Variants in TNIK observed in about 807,000 individuals in gnomAD.
TNIK encodes TRAF2 and NCK interacting kinase.
A neutral mutation model predicts 191.3 loss-of-function variants in TNIK; 49 were observed. That is an observed-to-expected ratio of 0.26 (90% confidence interval 0.20 to 0.32). The LOEUF is 0.32. Ranked by LOEUF, TNIK falls within the 10% of genes least tolerant of loss-of-function variation. The probability of loss-of-function intolerance (pLI) is 1.00; values close to 1 mark genes in which losing one functional copy is unlikely to be tolerated. For synonymous variants in TNIK, 594 were observed against 600.9 expected, an observed-to-expected ratio of 0.99 and a Z score of 0.17; for missense variants, 1,155 against 1,702.3, an observed-to-expected ratio of 0.68 and a Z score of 5.66.
intron 2 of TNIK, among the ~76,000 whole-genome samples, chr3:171,300,313 C>A (rs1752745302): frequency 6.6e-6 from 1 of 152,100 alleles, no homozygotes; most frequent in Admixed American, 6.5e-5. Context: ...CCTATGGGGC[C>A]AGGAAGAACA....
chr3:171,438,086 C>T (rs6444989), intron 1 of TNIK, among the ~76,000 whole-genome samples: 93,041 of 152,126 alleles, frequency 0.61, 29,278 homozygotes, highest in Middle Eastern at 0.69. Flanking sequence ...AATAAAAATT[C>T]ACCTGTGTCT....
intron 4 of TNIK, among the ~76,000 whole-genome samples, chr3:171,196,964 C>T (rs1227573962): frequency 6.6e-6 from 1 of 152,122 alleles, no homozygotes; most frequent in Non-Finnish European, 1.5e-5. Context: ...ACCATGTTAG[C>T]CGGGATGGTC....
intron 1 of TNIK, among the ~76,000 whole-genome samples, chr3:171,407,975 A>G (rs1721925444): frequency 6.6e-6 from 1 of 152,220 alleles, no homozygotes; most frequent in Non-Finnish European, 1.5e-5. Context: ...TCTGAGGCAC[A>G]CATTCTGAGA....
At chr3:171,131,194 C>T (rs1350412022) in intron 15 of TNIK, among the ~76,000 whole-genome samples, 9 of 150,932 alleles carry the variant, frequency 6.0e-5, no homozygotes, top group African/African-American at 7.3e-5. Context: ...AAAAATTAGC[C>T]GGGCGTGGTA....
chr3:171,277,219 A>T (rs1056121927), intron 2 of TNIK, among the ~76,000 whole-genome samples: 4 of 152,150 alleles, frequency 2.6e-5, no homozygotes, highest in East Asian at 1.9e-4. Flanking sequence ...TGACCTTGAG[A>T]TCTCAAACTT....
At chr3:171,444,967 G>C (rs994090798) in intron 1 of TNIK, among the ~76,000 whole-genome samples, 1 of 152,048 alleles carries the variant, frequency 6.6e-6, no homozygotes. Flanking sequence ...CTTCCACCTT[G>C]GCCTCCCAAA....
intron 2 of TNIK, among the ~76,000 whole-genome samples, chr3:171,299,792 C>G (rs61790970): frequency 6.6e-6 from 1 of 152,114 alleles, no homozygotes; most frequent in South Asian, 2.1e-4. Context: ...TTTGGTAGCA[C>G]CTCTTCTTGA....
At chr3:171,247,981 A>G (rs1050711121) in intron 2 of TNIK, among the ~76,000 whole-genome samples, 1 of 152,160 alleles carries the variant, frequency 6.6e-6, no homozygotes. Flanking sequence ...CTCGCTGAAG[A>G]TGACTGCAGG....
intron 2 of TNIK, among the ~76,000 whole-genome samples, chr3:171,264,351 C>CACAT (rs1553874038): frequency 5.1e-4 from 77 of 151,132 alleles, no homozygotes; most frequent in African/African-American, 8.8e-4. Context: ...CACACACACA[C>CACAT]ATATATATAT....
Position 171,139,533 on chromosome 3 carries a change from C to T in TNIK, c.1356G>A (p.Glu452=). The T allele has an allele frequency of 1.2e-6, 2 of 1,613,792 alleles. No homozygotes were observed. The highest frequency in any genetic ancestry group is 1.7e-6 in the Non-Finnish European group (2 of 1,179,760). Reference sequence around the variant, plus strand: ...AGATCTCTAACTGTCTCTGCTCCTCCTCTAACTGTCGCCTGATGTATTCCT... The same window carrying T: ...AGATCTCTAACTGTCTCTGCTCCTCTTCTAACTGTCGCCTGATGTATTCCT... ...HEQEYIRRQL[E]EEQRQLEILQ... The change falls in exon 14 of 33, where the codon GAG becomes GAA. Residue 452 remains glutamate, a synonymous_variant. Coordinates refer to ENST00000436636, the MANE Select transcript of TNIK (RefSeq NM_015028.4).
At chr3:171,361,077 CA>C (rs1714902447) in intron 2 of TNIK, among the ~76,000 whole-genome samples, 1 of 152,132 alleles carries the variant, frequency 6.6e-6, no homozygotes, top group African/African-American at 2.4e-5. Flanking sequence ...GACTCATCTC[CA>C]AAGACAAAGA....
At chr3:171,132,332 A>G (rs1729423249) in intron 15 of TNIK, among the ~76,000 whole-genome samples, 1 of 152,216 alleles carries the variant, frequency 6.6e-6, no homozygotes, top group South Asian at 2.1e-4. Context: ...AAACTAAAAT[A>G]ACTTTGGAGA....
At chr3:171,289,048 T>A (rs1442379524) in intron 2 of TNIK, among the ~76,000 whole-genome samples, 1 of 152,176 alleles carries the variant, frequency 6.6e-6, no homozygotes, top group Non-Finnish European at 1.5e-5. Flanking sequence ...ATGTATATGT[T>A]CTCATTCTAA....
chr3:171,412,114 A>G (rs1722503531), intron 1 of TNIK, among the ~76,000 whole-genome samples: 3 of 152,226 alleles, frequency 2.0e-5, no homozygotes, highest in Admixed American at 1.3e-4. Flanking sequence ...AGGTATGGCC[A>G]GTCTAATAAC....
chr3:171,302,792 C>T (rs986952233), intron 2 of TNIK, among the ~76,000 whole-genome samples: 1 of 152,166 alleles, frequency 6.6e-6, no homozygotes, highest in Admixed American at 6.5e-5. Flanking sequence ...CTTCTACCCT[C>T]TCTCATTGCC....
intron 3 of TNIK, among the ~76,000 whole-genome samples, chr3:171,219,356 A>G (rs1000144890): frequency 2.1e-5 from 3 of 146,024 alleles, no homozygotes; most frequent in African/African-American, 7.5e-5. Context: ...ATATATAATG[A>G]TGTGTATATA....
At chr3:171,338,638 A>T (rs1162728895) in intron 2 of TNIK, among the ~76,000 whole-genome samples, 1 of 149,578 alleles carries the variant, frequency 6.7e-6, no homozygotes, top group African/African-American at 2.5e-5. Flanking sequence ...ACAGGCATGT[A>T]CCACCATGCT....
intron 10 of TNIK, among the ~76,000 whole-genome samples, chr3:171,163,678 A>G (rs1734275750): frequency 6.6e-6 from 1 of 152,266 alleles, no homozygotes; most frequent in Non-Finnish European, 1.5e-5. Flanking sequence ...CAGATTTCAA[A>G]GTAAAAATGC....
chr3:171,268,529 T>C (rs1045304804), intron 2 of TNIK, among the ~76,000 whole-genome samples: 2 of 152,096 alleles, frequency 1.3e-5, no homozygotes, highest in Admixed American at 1.3e-4. Flanking sequence ...TCTTTCCCTA[T>C]ATTGCAAAGG....
Sources: allele counts gnomAD v4.1 joint callset (sites outside exome capture counted in the v4.1 genomes callset), GRCh38; gene constraint gnomAD v4.1.1; transcripts MANE v1.5; gene names NCBI Gene and HGNC (gene_info 2026-07-23, HGNC 2026-07-21).